Variants in CDK6 observed in about 807,000 individuals in gnomAD.
The protein encoded by CDK6 is cyclin dependent kinase 6.
A neutral mutation model predicts 37.1 loss-of-function variants in CDK6; 6 were observed. That is an observed-to-expected ratio of 0.16 (90% CI 0.09 to 0.32). CDK6 has a LOEUF of 0.32. Ranked by LOEUF, CDK6 falls within the 10% of genes least tolerant of loss-of-function variation. The pLI is 1.00. For missense variants in CDK6, 224 were observed against 418.9 expected (o/e 0.53, Z 4.06); for synonymous variants, 160 against 161.3 (o/e 0.99, Z 0.06).
intron 3 of CDK6, among the ~76,000 whole-genome samples, chr7:92,746,031 T>C (rs1799048700): frequency 6.6e-6 from 1 of 152,198 alleles, no homozygotes; most frequent in Non-Finnish European, 1.5e-5. Flanking sequence ...AACCAGACCG[T>C]ACCTACAGTC....
chr7:92,794,759 A>T (rs1800365007), intron 2 of CDK6, among the ~76,000 whole-genome samples: 1 of 152,148 alleles, frequency 6.6e-6, no homozygotes, highest in Non-Finnish European at 1.5e-5. Flanking sequence ...TATAATATGA[A>T]TTAAGAAAAA....
At chr7:92,742,823 A>G (rs1798958958) in intron 3 of CDK6, among the ~76,000 whole-genome samples, 1 of 152,128 alleles carries the variant, frequency 6.6e-6, no homozygotes, top group African/African-American at 2.4e-5. Context: ...TAATATTTAA[A>G]AGCCTAGCTA....
chr7:92,620,485 T>A (rs1293547656), intron 6 of CDK6, among the ~76,000 whole-genome samples: 2 of 152,212 alleles, frequency 1.3e-5, no homozygotes, highest in Non-Finnish European at 2.9e-5. Flanking sequence ...AATATTTTAT[T>A]TCCATTTAGC....
chr7:92,744,301 T>C (rs1404602423), intron 3 of CDK6, among the ~76,000 whole-genome samples: 10 of 152,174 alleles, frequency 6.6e-5, no homozygotes. Flanking sequence ...AGTCACATGT[T>C]ACATGGCAGC....
chr7:92,674,397 T>C (rs189819320), intron 4 of CDK6, among the ~76,000 whole-genome samples: 12 of 152,336 alleles, frequency 7.9e-5, no homozygotes, highest in African/African-American at 2.4e-4. Context: ...TTTATATCTG[T>C]AAATGCCTAT....
At chr7:92,802,261 G>T (rs1440609227) in intron 2 of CDK6, among the ~76,000 whole-genome samples, 2 of 151,804 alleles carry the variant, frequency 1.3e-5, no homozygotes, top group Non-Finnish European at 2.9e-5. Context: ...CATTATTTAG[G>T]GAAATAATAT....
intron 2 of CDK6, among the ~76,000 whole-genome samples, chr7:92,822,795 C>G (rs574368171): frequency 4.0e-4 from 61 of 152,198 alleles, no homozygotes; most frequent in African/African-American, 1.4e-3. Context: ...TCTGAGTTTA[C>G]TCGTTCCATA....
intron 3 of CDK6, among the ~76,000 whole-genome samples, chr7:92,748,828 C>T (rs777600733): frequency 2.0e-5 from 3 of 152,178 alleles, no homozygotes; most frequent in Non-Finnish European, 2.9e-5. Context: ...CACTCCCATT[C>T]CCCATCCACA....
At chr7:92,753,739 A>C (rs1292275023) in intron 3 of CDK6, among the ~76,000 whole-genome samples, 4 of 152,158 alleles carry the variant, frequency 2.6e-5, no homozygotes, top group Non-Finnish European at 4.4e-5. Flanking sequence ...TTCCTGCCTG[A>C]CATCATGGCA....
chr7:92,706,936 T>A (rs541096890), intron 4 of CDK6, among the ~76,000 whole-genome samples: 1 of 152,316 alleles, frequency 6.6e-6, no homozygotes, highest in Admixed American at 6.5e-5. Flanking sequence ...AAATAACTGA[T>A]AATGGAAAGA....
At chr7:92,652,340 C>T (rs919212597) in intron 5 of CDK6, among the ~76,000 whole-genome samples, 4 of 152,148 alleles carry the variant, frequency 2.6e-5, no homozygotes, top group Non-Finnish European at 5.9e-5. Flanking sequence ...CTCCATTTTA[C>T]GTCTTTATAA....
intron 3 of CDK6, among the ~76,000 whole-genome samples, chr7:92,756,057 A>T (rs975456523): frequency 2.0e-5 from 3 of 152,190 alleles, no homozygotes; most frequent in East Asian, 1.9e-4. Flanking sequence ...TAATATAATA[A>T]GGGATCAAAC....
At chr7:92,732,484 T>G (rs1218960306) in intron 3 of CDK6, among the ~76,000 whole-genome samples, 2 of 152,248 alleles carry the variant, frequency 1.3e-5, no homozygotes, top group Admixed American at 1.3e-4. Context: ...TCCACATTCT[T>G]CCTCTCAATT....
Position 92,833,580 on chromosome 7 carries a change from C to T in CDK6, c.-257G>A, listed in dbSNP as rs370262867. On this transcript the variant is annotated 5_prime_UTR_variant, in exon 2 of 8. Coordinates refer to ENST00000424848, the MANE Select transcript of CDK6 (RefSeq NM_001145306.2). This position sits in a 1 kb window ranked among gnomAD's most constrained non-coding sequence, Gnocchi z 6.1. The stretch of plus-strand genomic sequence containing the variant: ...CCTGCAGAGTCGCCGCCGCCGCCGC[C>T]GCCGGAGGAGCGAGCCGATCCCTCC... The T allele has an allele frequency of 3.7e-6, 2 of 543,064 alleles. No homozygotes were observed. The highest frequency in any genetic ancestry group is 3.2e-5 in the East Asian group (1 of 30,800). 33.6% of individuals were successfully genotyped at this position (543,064 alleles called of 1,614,324 possible).
chr7:92,696,361 G>A (rs1288968798), intron 4 of CDK6, among the ~76,000 whole-genome samples: 1 of 152,194 alleles, frequency 6.6e-6, no homozygotes, highest in Admixed American at 6.5e-5. Context: ...TTCCCGTTAT[G>A]AAATCAAAGC....
chr7:92,759,471 T>A (rs889261001), intron 3 of CDK6, among the ~76,000 whole-genome samples: 1 of 152,100 alleles, frequency 6.6e-6, no homozygotes, highest in South Asian at 2.1e-4. Context: ...CAATTTTAGC[T>A]ACTATAGAAA....
At chr7:92,628,262 T>A (rs1795973920) in intron 5 of CDK6, among the ~76,000 whole-genome samples, 1 of 151,428 alleles carries the variant, frequency 6.6e-6, no homozygotes, top group Non-Finnish European at 1.5e-5. Context: ...TACTGCGTTT[T>A]ATGAGTGTTA....
chr7:92,722,124 C>T (rs1798382329), intron 4 of CDK6, among the ~76,000 whole-genome samples: 1 of 151,982 alleles, frequency 6.6e-6, no homozygotes, highest in Non-Finnish European at 1.5e-5. Flanking sequence ...GCTAATAATA[C>T]AAGCTTTTAT....
chr7:92,727,566 T>G (rs534010421), intron 3 of CDK6, among the ~76,000 whole-genome samples: 1 of 152,308 alleles, frequency 6.6e-6, no homozygotes, highest in East Asian at 1.9e-4. Flanking sequence ...GGATGATTAT[T>G]GCCAAGATAA....
Sources: gnomAD v4.1 joint callset for allele counts (sites outside exome capture counted in the v4.1 genomes callset) on GRCh38, gnomAD v4.1.1 for gene constraint, Gnocchi (gnomAD v3.1) non-coding constraint, MANE v1.5 for transcripts, NCBI Gene and HGNC (gene_info 2026-07-23, HGNC 2026-07-21) for gene names.